The following GLG1 variants were observed in gnomAD, a reference collection of about 807,000 sequenced individuals.
GLG1 encodes the protein Golgi apparatus protein 1.
In GLG1, 38 loss-of-function variants were observed where a neutral mutation model predicts 160.5. The observed-to-expected ratio is 0.24, with a 90% CI of 0.18 to 0.31. The LOEUF (loss-of-function observed/expected upper bound fraction) is 0.31. GLG1 is among the 10% of genes least tolerant of loss of function. GLG1 has a pLI of 1.00. For missense variants in GLG1, 1,373 were observed against 1,505.2 expected (o/e 0.91, Z 1.45); for synonymous variants, 644 against 543.4 (o/e 1.19, Z -2.57).
rs1478926011 is a variant in GLG1, at chr16:74,451,951, A to T, written c.*1216T>A. 2 of 864,150 alleles carry T rather than the reference A, an allele frequency of 2.3e-6. No homozygotes were observed. The highest frequency in any genetic ancestry group is 3.9e-6 in the Non-Finnish European group (2 of 516,280). The allele number at this position is 864,150 out of a possible 1,614,324, so 53.5% of individuals were successfully genotyped here. ...CAGCAAATGGACAGAAAGAAAAAAA[A>T]CAGAGCAAATCCTCCATCTTTTAAT... On this transcript the variant is annotated 3_prime_UTR_variant, in exon 26 of 26. Transcript: ENST00000422840.
At position 74,553,890 on chromosome 16, in the gene GLG1, A is replaced by C. The variant is rs374847665; in HGVS notation, c.439-21737T>G. 2.0e-5 allele frequency among the ~76,000 whole-genome samples: 3 copies of C among 152,212 alleles called. No homozygotes were observed. In the South Asian group the frequency reaches 6.2e-4, roughly 32 times the overall value. On this transcript the variant is annotated intron_variant, in intron 1 of 25. Transcript: ENST00000422840. Reference sequence around the variant, plus strand: ...AAAGCTGAATTTTCACTGCATATCCAAACTCCATAACTTGGTAATCAGCTC... The same window carrying C: ...AAAGCTGAATTTTCACTGCATATCCCAACTCCATAACTTGGTAATCAGCTC...
intron 11 of GLG1, among the ~76,000 whole-genome samples, chr16:74,478,705 A>G (rs972039317): frequency 6.6e-6 from 1 of 151,536 alleles, no homozygotes; most frequent in Non-Finnish European, 1.5e-5. Context: ...TGAGGTCTGG[A>G]GTTCGAGACC....
At chr16:74,603,058 C>G (rs949048608) in intron 1 of GLG1, among the ~76,000 whole-genome samples, 3 of 151,806 alleles carry the variant, frequency 2.0e-5, no homozygotes, top group African/African-American at 7.3e-5. Context: ...CCACTGCACT[C>G]CAGCCTGAGC....
At chr16:74,542,754 G>GAAGGA (rs1567514034) in intron 1 of GLG1, among the ~76,000 whole-genome samples, 5 of 36,308 alleles carry the variant, frequency 1.4e-4, no homozygotes, top group African/African-American at 5.1e-4. Context: ...AGGAAGGAAG[G>GAAGGA]AAGGAAGGAA....
At chr16:74,503,427 T>C in intron 4 of GLG1, 104 bp downstream of exon 4, 2 of 762,668 alleles carry the variant, frequency 2.6e-6, no homozygotes, top group Non-Finnish European at 4.6e-6. Context: ...CAATTTCAAC[T>C]TAAGGTCACT....
intron 1 of GLG1, among the ~76,000 whole-genome samples, chr16:74,563,595 C>T (rs1297691619): frequency 6.6e-6 from 1 of 151,796 alleles, no homozygotes; most frequent in African/African-American, 2.4e-5. Context: ...GGCGTGGTGG[C>T]GTGTGCCTGT....
At chr16:74,458,067 T>C (rs1489629868) in intron 23 of GLG1, 73 bp from the exon 24 acceptor site, 4 of 1,426,888 alleles carry the variant, frequency 2.8e-6, no homozygotes, top group Non-Finnish European at 3.9e-6. Flanking sequence ...TGTAAATACT[T>C]CATATACTAA....
At chr16:74,542,729 GGAAGGGAGGAAGGAAGGA>G (rs1180224661) in intron 1 of GLG1, among the ~76,000 whole-genome samples, 1 of 105,278 alleles carries the variant, frequency 9.5e-6, no homozygotes, top group African/African-American at 3.8e-5. Context: ...AAGGAAGGAA[GGAAGGGAGGAAGGAAGGA>G]AGGAAGGAAG....
At chr16:74,499,456 T>C in intron 4 of GLG1, among the ~76,000 whole-genome samples, 1 of 152,206 alleles carries the variant, frequency 6.6e-6, no homozygotes, top group Middle Eastern at 3.2e-3. Context: ...TATGTACTTA[T>C]ATACACAAAT....
intron 1 of GLG1, among the ~76,000 whole-genome samples, chr16:74,590,637 AAAAG>A (rs1158991252): frequency 6.6e-6 from 1 of 150,554 alleles, no homozygotes; most frequent in Non-Finnish European, 1.5e-5. Flanking sequence ...AAAAAAAAAA[AAAAG>A]AAATTAGCCG....
chr16:74,456,539 A>G, intron 25 of GLG1, 110 bp downstream of exon 25: 1 of 730,446 alleles, frequency 1.4e-6, no homozygotes, highest in East Asian at 2.5e-5. Context: ...GAGGCTGGAC[A>G]GCCACAGCGA....
intron 1 of GLG1, among the ~76,000 whole-genome samples, chr16:74,604,115 G>A (rs1958508044): frequency 6.6e-6 from 1 of 152,072 alleles, no homozygotes; most frequent in Non-Finnish European, 1.5e-5. Context: ...CTCAAACCCA[G>A]AAGACTGAGG....
chr16:74,466,500 G>A (rs1183215778), intron 18 of GLG1, among the ~76,000 whole-genome samples: 1 of 152,174 alleles, frequency 6.6e-6, no homozygotes, highest in Non-Finnish European at 1.5e-5. Context: ...TGAGACTTCC[G>A]GGAAATCGTC....
At position 74,606,679 on chromosome 16, in the gene GLG1, T is replaced by G; in HGVS notation, c.416A>C (p.Glu139Ala). 5 of 1,590,816 alleles carry G rather than the reference T, an allele frequency of 3.1e-6. No individual in the cohort carries two copies. The highest frequency in any genetic ancestry group is 4.3e-6 in the Non-Finnish European group (5 of 1,165,102). The change falls in exon 1 of 26, where the codon GAG becomes GCG. Residue 139 changes from glutamate to alanine, a missense_variant. Around this residue, in one of 4 missense-constraint regions of GLG1, gnomAD observed 322 missense variants for 254.6 expected, o/e 1.26. Transcript: ENST00000422840. Reference protein sequence around the residue: ...HTWSNNLAVLECLQDVREPEN... With the variant: ...HTWSNNLAVLACLQDVREPEN... ...CACCTCCCTCACATCCTGCAGGCACTCGAGCACCGCCAGGTTGTTGCTCCA... is the reference window on the plus strand; with the variant it reads ...CACCTCCCTCACATCCTGCAGGCACGCGAGCACCGCCAGGTTGTTGCTCCA...
At chr16:74,503,791 G>C (rs777810735) in intron 3 of GLG1, 45 bp from the exon 4 acceptor site, 4 of 1,181,118 alleles carry the variant, frequency 3.4e-6, no homozygotes, top group Middle Eastern at 1.9e-4. Context: ...TTCCATGCTC[G>C]TATCAAACAA....
chr16:74,581,891 G>A (rs1597369817), intron 1 of GLG1, among the ~76,000 whole-genome samples: 2 of 152,098 alleles, frequency 1.3e-5, no homozygotes, highest in South Asian at 2.1e-4. Flanking sequence ...CAGCCCAGGC[G>A]ACGGTGAGAC....
rs148217158 is a variant in GLG1 at position 74,604,047 on chromosome 16, T to C, written c.438+2610A>G. ...GGCTCACAACTCTAATCCCAGCACTTTGGAAAGCCCAGCTGGGAAGATCAC... is the reference window on the plus strand; with the variant it reads ...GGCTCACAACTCTAATCCCAGCACTCTGGAAAGCCCAGCTGGGAAGATCAC... On this transcript the variant is annotated intron_variant, in intron 1 of 25. Coordinates refer to ENST00000422840, the MANE Select transcript of GLG1 (RefSeq NM_001145667.2). Among the ~76,000 whole-genome samples the C allele has an allele frequency of 5.1e-3, 768 of 151,374 alleles. 3 individuals are homozygous for C. The highest frequency in any genetic ancestry group is 0.017 in the African/African-American group (719 of 41,270).
chr16:74,574,701 G>A (rs1053658349), intron 1 of GLG1, among the ~76,000 whole-genome samples: 7 of 151,098 alleles, frequency 4.6e-5, no homozygotes, highest in South Asian at 2.1e-4. Context: ...TGGCCAACAC[G>A]GTAAAATGCC....
At chr16:74,473,858 C>T (rs745604852) in intron 13 of GLG1, among the ~76,000 whole-genome samples, 38 of 152,140 alleles carry the variant, frequency 2.5e-4, no homozygotes, top group Non-Finnish European at 4.9e-4. Flanking sequence ...AACACACAAA[C>T]ATTACCAAAT....
Sources: gnomAD v4.1 joint callset for allele counts (sites outside exome capture counted in the v4.1 genomes callset) on GRCh38, gnomAD v4.1.1 for gene constraint, gnomAD v4.1.1 regional missense constraint, MANE v1.5 for transcripts, NCBI Gene and HGNC (gene_info 2026-07-23, HGNC 2026-07-21) for gene names.